CEP350: variants seen among roughly 807,000 people sequenced by gnomAD.
CEP350 encodes centrosomal protein 350.
Under a neutral mutation model 331.8 loss-of-function variants are expected in CEP350, and 126 were observed. The ratio of observed to expected loss-of-function variants is 0.38; its 90% CI spans 0.33 to 0.44. The LOEUF (loss-of-function observed/expected upper bound fraction) is 0.44. Among genes scored for constraint, CEP350 ranks in the 20% least tolerant of loss-of-function variants. The pLI, the probability that CEP350 is intolerant of heterozygous loss-of-function variation, is 1.00. For missense variants in CEP350, 3,406 were observed against 3,634.6 expected, an observed-to-expected ratio of 0.94 and a Z score of 1.62; for synonymous variants, 1,200 against 1,259.5, an observed-to-expected ratio of 0.95 and a Z score of 1.00.
At chr1:180,077,275 CAA>C (rs1172170757) in intron 28 of CEP350, among the ~76,000 whole-genome samples, 1 of 151,296 alleles carries the variant, frequency 6.6e-6, no homozygotes, top group Non-Finnish European at 1.5e-5. Flanking sequence ...CAAATAGAAA[CAA>C]TATATAATAG....
chr1:180,020,265 A>G lies in CEP350; in HGVS notation c.2491A>G (p.Thr831Ala). 6.2e-7 allele frequency: 1 copy of G among 1,614,026 alleles called. No homozygotes were observed. The change falls in exon 12 of 38, where the codon ACA becomes GCA. Residue 831 changes from threonine to alanine, a missense_variant. Thr to Ala is a moderately conservative substitution (Grantham distance 58, BLOSUM62 0). This residue lies in a region of CEP350 where 1,857 missense variants were observed against 1,909.2 expected (regional missense o/e 0.97). Transcript: ENST00000367607. Reference sequence around the variant, plus strand: ...GGATCGTATTGAAGCCTTGAAAGCAACAGCTGCTTCTTTGTCCAGCAGAAT... The same window carrying G: ...GGATCGTATTGAAGCCTTGAAAGCAGCAGCTGCTTCTTTGTCCAGCAGAAT... ...KLDRIEALKA[T>A]AASLSSRIES...
At chr1:179,987,067 A>G (rs911829686) in intron 2 of CEP350, among the ~76,000 whole-genome samples, 173 bp from the exon 3 acceptor site, 1 of 152,140 alleles carries the variant, frequency 6.6e-6, no homozygotes, top group Non-Finnish European at 1.5e-5. Context: ...AATCTTATAG[A>G]TAAAAACCCA....
chr1:180,025,978 G>A (rs1010858690), intron 14 of CEP350, among the ~76,000 whole-genome samples: 9 of 152,116 alleles, frequency 5.9e-5, no homozygotes, highest in East Asian at 3.9e-4. Flanking sequence ...GGAAGGAACA[G>A]GAATAGGAGG....
At chr1:179,973,155 C>T (rs926829569) in intron 1 of CEP350, among the ~76,000 whole-genome samples, 1 of 152,208 alleles carries the variant, frequency 6.6e-6, no homozygotes, top group African/African-American at 2.4e-5. Context: ...GCGTGAGCCA[C>T]CTCTCCCGGC....
In CEP350 at chr1:180,033,953, A is replaced by G. The variant is rs1426891545; in HGVS notation, c.3817A>G (p.Thr1273Ala). 1.2e-6 allele frequency: 2 copies of G among 1,613,876 alleles called. No homozygotes were observed. Among genetic ancestry groups the G allele is most frequent in the South Asian group, 2.2e-5 (2 of 91,080 alleles). ...QKSLQFDVAG[T>A]SSERSKSSVM... is the part of the protein sequence containing the mutation. Reference sequence around the variant, plus strand: ...ATCATTGCAGTTTGACGTTGCAGGAACTTCTTCAGAAAGATCTAAGTCGTC... The same window carrying G: ...ATCATTGCAGTTTGACGTTGCAGGAGCTTCTTCAGAAAGATCTAAGTCGTC... The change falls in exon 16 of 38, where the codon ACT becomes GCT. Residue 1273 changes from threonine to alanine, a missense_variant. By Grantham distance (58) the Thr-to-Ala change is moderately conservative. Around this residue, in one of 5 missense-constraint regions of CEP350, gnomAD observed 1,857 missense variants for 1,909.2 expected, o/e 0.97. Transcript: ENST00000367607.
At chr1:180,108,731 A>T (rs1234903765) in intron 37 of CEP350, among the ~76,000 whole-genome samples, 1 of 152,182 alleles carries the variant, frequency 6.6e-6, no homozygotes, top group African/African-American at 2.4e-5. Flanking sequence ...GATACCCATG[A>T]TTCTGTGGTC....
At chr1:179,980,326 G>C (rs1380246916) in intron 1 of CEP350, among the ~76,000 whole-genome samples, 1 of 148,812 alleles carries the variant, frequency 6.7e-6, no homozygotes, top group African/African-American at 2.5e-5. Flanking sequence ...TTGCTTTCTT[G>C]ATTTCTTTTT....
Position 180,062,311 on chromosome 1 carries a change from G to A in CEP350, c.5354G>A (p.Arg1785Gln), listed in dbSNP as rs139607374. 41 of 1,610,578 alleles carry A rather than the reference G, an allele frequency of 2.5e-5. No individual in the cohort carries two copies. The highest frequency in any genetic ancestry group is 3.2e-5 in the Non-Finnish European group (38 of 1,178,266). ...LKQQEEIEKI[R>Q]QTTIKLQEKL... ...CAGCAGGAGGAGATAGAAAAGATCC[G>A]ACAGACCACCATAAAACTACAGGAG... Residue 1785 changes from arginine (R) to glutamine (Q), a missense_variant, in exon 26 of 38, where the codon CGA becomes CAA. Around this residue, in one of 5 missense-constraint regions of CEP350, gnomAD observed 1,415 missense variants for 1,512.3 expected, o/e 0.94. Coordinates refer to ENST00000367607, the MANE Select transcript of CEP350 (RefSeq NM_014810.5).
At position 180,065,098 on chromosome 1, in the gene CEP350, C is replaced by T. The variant is rs201042106; in HGVS notation, c.5410-17C>T. On this transcript the variant is annotated splice_polypyrimidine_tract_variant and intron_variant, in intron 26 of 37. Transcript: ENST00000367607. ...CCTATTAAAGTCCAATACAATTTTG[C>T]CTCTTTTTGTTTGCAGGACTCTCAT... 3.9e-5 allele frequency: 62 copies of T among 1,573,454 alleles called. No homozygotes were observed. The East Asian group carries it at 8.2e-4, about 21-fold the overall frequency.
intron 33 of CEP350, 104 bp downstream of exon 33, chr1:180,090,900 TTTC>T (rs1366028994): frequency 1.1e-6 from 1 of 936,596 alleles, no homozygotes; most frequent in Non-Finnish European, 1.4e-6. Context: ...AAAAAGTGAA[TTTC>T]TTAAGTAGAT....
At chr1:180,075,752 T>C (rs186106528) in intron 28 of CEP350, among the ~76,000 whole-genome samples, 138 of 151,890 alleles carry the variant, frequency 9.1e-4, no homozygotes, top group Middle Eastern at 6.8e-3. Flanking sequence ...CTCAGGAGTT[T>C]GAGACCAGCC....
chr1:180,105,991 ATTCAC>A (rs1661120198), intron 37 of CEP350, among the ~76,000 whole-genome samples: 1 of 152,162 alleles, frequency 6.6e-6, no homozygotes, highest in Non-Finnish European at 1.5e-5. Flanking sequence ...TCTAGTTCTC[ATTCAC>A]TCCCCCTTTT....
At position 180,065,136 on chromosome 1, in the gene CEP350, A is replaced by G. The variant is rs146584966; in HGVS notation, c.5431A>G (p.Thr1811Ala). 1,080 of 1,608,242 alleles carry G rather than the reference A, an allele frequency of 6.7e-4. 3 individuals carry two copies. Among genetic ancestry groups the G allele is most frequent in the Middle Eastern group, 5.1e-3 (31 of 6,040 alleles). ...GCAGGACTCTCATAGTGATGATGAT[A>G]CAAAGGATAATAAGGCAACCAGTCC... Reference protein sequence around the residue: ...SKLDSHSDDDTKDNKATSPGP... With the variant: ...SKLDSHSDDDAKDNKATSPGP... Residue 1811 changes from threonine to alanine, a missense_variant, in exon 27 of 38, where the codon ACA becomes GCA. Thr to Ala is a moderately conservative substitution (Grantham distance 58). Coordinates refer to ENST00000367607, the MANE Select transcript of CEP350 (RefSeq NM_014810.5).
intron 17 of CEP350, 42 bp downstream of exon 17, chr1:180,037,131 T>C (rs1656409989): frequency 6.7e-7 from 1 of 1,494,504 alleles, no homozygotes; most frequent in South Asian, 1.4e-5. Context: ...TTTTCTTTTT[T>C]CTTCGCTATT....
intron 5 of CEP350, among the ~76,000 whole-genome samples, chr1:179,996,091 T>G (rs2501614): frequency 0.81 from 122,866 of 152,052 alleles, 49,979 homozygotes; most frequent in Admixed American, 0.87. Context: ...CATATCTTTT[T>G]CATATTTCTT....
At chr1:180,092,299 A>G (rs1431355630) in intron 33 of CEP350, among the ~76,000 whole-genome samples, 1 of 152,164 alleles carries the variant, frequency 6.6e-6, no homozygotes, top group East Asian at 1.9e-4. Context: ...CCATCATACA[A>G]TTCTATTTTT....
chr1:180,067,083 A>G (rs1461156820), intron 27 of CEP350, among the ~76,000 whole-genome samples: 1 of 152,170 alleles, frequency 6.6e-6, no homozygotes, highest in Non-Finnish European at 1.5e-5. Context: ...TGGGATGCTT[A>G]TTTATTTCAG....
At chr1:180,050,257 T>A (rs917500785) in intron 22 of CEP350, among the ~76,000 whole-genome samples, 1 of 152,200 alleles carries the variant, frequency 6.6e-6, no homozygotes, top group African/African-American at 2.4e-5. Flanking sequence ...AACTTCTATT[T>A]TGTGAAAGAC....
chr1:180,013,818 G>T, intron 9 of CEP350, 29 bp from the exon 10 acceptor site: 3 of 1,545,450 alleles, frequency 1.9e-6, no homozygotes, highest in African/African-American at 1.4e-5. Flanking sequence ...TAGAATTTCG[G>T]TATATCACTA....
Sources: gnomAD v4.1 joint callset for allele counts (sites outside exome capture counted in the v4.1 genomes callset) on GRCh38, gnomAD v4.1.1 for gene constraint, gnomAD v4.1.1 regional missense constraint, MANE v1.5 for transcripts, NCBI Gene and HGNC (gene_info 2026-07-23, HGNC 2026-07-21) for gene names.